CCDC178: variants seen among roughly 807,000 people sequenced by gnomAD.
CCDC178 encodes coiled-coil domain containing 178.
Under a neutral mutation model 117.4 loss-of-function variants are expected in CCDC178, and 126 were observed. The observed-to-expected ratio is 1.07, with a 90% CI of 0.93 to 1.24. The LOEUF is 1.24. Among genes scored for constraint, CCDC178 ranks in the 50% most tolerant of loss-of-function variants. CCDC178 has a pLI of 0.00. For missense variants in CCDC178, 1,030 were observed against 986.9 expected (o/e 1.04, Z -0.59); for synonymous variants, 283 against 313.4 (o/e 0.90, Z 1.02).
intron 21 of CCDC178, among the ~76,000 whole-genome samples, chr18:33,001,124 T>G (rs1448725385): frequency 2.6e-5 from 4 of 152,238 alleles, no homozygotes; most frequent in African/African-American, 9.6e-5. Context: ...ATTAGTTTGT[T>G]GATGCAATCT....
intron 21 of CCDC178, among the ~76,000 whole-genome samples, chr18:33,058,914 A>G (rs1006714755): frequency 3.3e-5 from 5 of 152,220 alleles, no homozygotes; most frequent in African/African-American, 1.2e-4. Context: ...GATGATACAC[A>G]TACAACACTT....
intron 22 of CCDC178, among the ~76,000 whole-genome samples, chr18:32,963,516 C>A (rs1406739805): frequency 1.3e-5 from 2 of 151,962 alleles, no homozygotes; most frequent in African/African-American, 4.8e-5. Context: ...CTCTGATGCT[C>A]CCCGTGTTGC....
chr18:33,175,001 C>T (rs2058646863), intron 20 of CCDC178, among the ~76,000 whole-genome samples: 1 of 151,762 alleles, frequency 6.6e-6, no homozygotes, highest in South Asian at 2.1e-4. Flanking sequence ...AGTACCGGTG[C>T]CTGCTACAAC....
intron 11 of CCDC178, among the ~76,000 whole-genome samples, chr18:33,315,481 C>A (rs1187799832): frequency 2.0e-5 from 3 of 152,192 alleles, no homozygotes; most frequent in Non-Finnish European, 4.4e-5. Context: ...TAGCTACCAT[C>A]CTACTTATCT....
chr18:33,034,195 T>A (rs1357261428), intron 21 of CCDC178, among the ~76,000 whole-genome samples: 1 of 151,974 alleles, frequency 6.6e-6, no homozygotes, highest in Non-Finnish European at 1.5e-5. Context: ...ATTTCCTTCC[T>A]TCCCATAGCA....
At position 33,323,607 on chromosome 18, in the gene CCDC178, A is replaced by G. The variant is rs1451458249; in HGVS notation, c.906T>C (p.Asn302=). The G allele has an allele frequency of 3.2e-6, 5 of 1,545,436 alleles. No individual in the cohort carries two copies. In the East Asian group the frequency reaches 1.2e-4, roughly 37 times the overall value. ...MEVMDLHRKV[N]EELEEALEAC... ...CTTCTAAAGCTTCTTCAAGTTCTTC[A>G]TTAACTTTTCTGTGTAGGTCCATTA... Residue 302 remains asparagine (N), a synonymous_variant, in exon 11 of 23, where the codon AAT becomes AAC. Transcript: ENST00000383096.
intron 19 of CCDC178, 69 bp downstream of exon 19, chr18:33,215,481 A>T: frequency 1.1e-6 from 1 of 891,350 alleles, no homozygotes; most frequent in Non-Finnish European, 1.6e-6. Flanking sequence ...CATTTTAAAT[A>T]TGGAAATTTG....
At chr18:33,015,987 G>C (rs930598719) in intron 21 of CCDC178, among the ~76,000 whole-genome samples, 3 of 152,254 alleles carry the variant, frequency 2.0e-5, no homozygotes, top group Non-Finnish European at 4.4e-5. Context: ...AGTTAACAGA[G>C]CCTCTGAGAG....
At chr18:32,976,735 G>A (rs1056963358) in intron 21 of CCDC178, among the ~76,000 whole-genome samples, 24 of 151,670 alleles carry the variant, frequency 1.6e-4, no homozygotes, top group Non-Finnish European at 1.9e-4. Context: ...TTTTTTTAAA[G>A]GGCAAAAATG....
intron 21 of CCDC178, among the ~76,000 whole-genome samples, chr18:33,089,873 G>A (rs1417014635): frequency 6.6e-6 from 1 of 151,506 alleles, no homozygotes; most frequent in Non-Finnish European, 1.5e-5. Context: ...AGTATAATCT[G>A]TTTTTCAGAG....
intron 16 of CCDC178, among the ~76,000 whole-genome samples, chr18:33,226,562 G>GA (rs1449447884): frequency 6.6e-6 from 1 of 152,144 alleles, no homozygotes; most frequent in Non-Finnish European, 1.5e-5. Context: ...TAGACTGGCA[G>GA]AAATTCCCAT....
intron 22 of CCDC178, among the ~76,000 whole-genome samples, chr18:32,947,140 G>T (rs1365560351): frequency 6.6e-6 from 1 of 152,114 alleles, no homozygotes; most frequent in Non-Finnish European, 1.5e-5. Flanking sequence ...GACTTACAAA[G>T]AAGATCTTTA....
chr18:33,202,320 G>A (rs550446875), intron 20 of CCDC178, among the ~76,000 whole-genome samples: 100 of 149,852 alleles, frequency 6.7e-4, no homozygotes, highest in Middle Eastern at 3.5e-3. Flanking sequence ...TGAGCCCGGT[G>A]GGGCGGGGGT....
intron 20 of CCDC178, among the ~76,000 whole-genome samples, chr18:33,105,798 G>A (rs1598888349): frequency 6.6e-6 from 1 of 151,526 alleles, no homozygotes; most frequent in South Asian, 2.1e-4. Context: ...AAGGCTAACA[G>A]AAATCTAAAC....
At chr18:33,376,062 G>C (rs903369064) in intron 5 of CCDC178, among the ~76,000 whole-genome samples, 5 of 152,178 alleles carry the variant, frequency 3.3e-5, no homozygotes, top group South Asian at 2.1e-4. Flanking sequence ...TTATGGACTT[G>C]GGTTTTTATA....
rs1449973826 is a variant in CCDC178 at position 33,216,604 on chromosome 18, T to C, written c.1933-909A>G. 5.3e-5 allele frequency among the ~76,000 whole-genome samples: 8 copies of C among 152,196 alleles called. No homozygotes were observed. The South Asian group carries it at 1.2e-3, about 24-fold the overall frequency. On this transcript the variant is annotated intron_variant, in intron 18 of 22. Coordinates refer to ENST00000383096, the MANE Select transcript of CCDC178 (RefSeq NM_001105528.4). ...TCTATTTTCCCCATATGCTTCCAAATACTTTCTTTACTCATAGATTTCAAG... is the reference window on the plus strand; with the variant it reads ...TCTATTTTCCCCATATGCTTCCAAACACTTTCTTTACTCATAGATTTCAAG...
At chr18:33,175,228 G>A (rs2058651274) in intron 20 of CCDC178, among the ~76,000 whole-genome samples, 1 of 152,006 alleles carries the variant, frequency 6.6e-6, no homozygotes, top group Non-Finnish European at 1.5e-5. Flanking sequence ...GAGAATAGAA[G>A]CATTAACACA....
chr18:33,346,723 G>A (rs967736989), intron 8 of CCDC178, among the ~76,000 whole-genome samples: 1 of 151,900 alleles, frequency 6.6e-6, no homozygotes, highest in Non-Finnish European at 1.5e-5. Flanking sequence ...GTACTATAGA[G>A]GTTTATTTTA....
intron 12 of CCDC178, among the ~76,000 whole-genome samples, chr18:33,289,621 TA>T (rs1024724248): frequency 6.8e-6 from 1 of 147,588 alleles, no homozygotes; most frequent in East Asian, 2.0e-4. Context: ...TCCCAAGAAA[TA>T]AAAAAAAACA....
Sources: allele counts gnomAD v4.1 joint callset (sites outside exome capture counted in the v4.1 genomes callset), GRCh38; gene constraint gnomAD v4.1.1; transcripts MANE v1.5; gene names NCBI Gene and HGNC (gene_info 2026-07-23, HGNC 2026-07-21).